Variants in DBH observed in about 807,000 individuals in gnomAD.
DBH encodes the protein dopamine beta-hydroxylase.
In DBH, 49 loss-of-function variants were observed where a neutral mutation model predicts 64.0. The ratio of observed to expected loss-of-function variants is 0.77; its 90% CI spans 0.61 to 0.97. The LOEUF is 0.97. DBH is among the 50% of genes least tolerant of loss of function. DBH has a pLI of 0.00. For missense variants in DBH, 828 were observed against 826.6 expected (o/e 1.00, Z -0.02); for synonymous variants, 343 against 347.1 (o/e 0.99, Z 0.13).
Position 133,639,991 on chromosome 9 carries a change from A to G in DBH, c.485A>G (p.Glu162Gly). The change falls in exon 2 of 12, where the codon GAA becomes GGA. Residue 162 changes from glutamate to glycine, a missense_variant and splice_region_variant. Glu to Gly is a moderately conservative substitution (Grantham distance 98, BLOSUM62 -2). Transcript: ENST00000393056. Reference sequence around the variant, plus strand: ...TGCGACCCCAAGGATTACCTCATTGAAGTAAGGGGTGGCCGCGAGTACCCA... The same window carrying G: ...TGCGACCCCAAGGATTACCTCATTGGAGTAAGGGGTGGCCGCGAGTACCCA... ...GTCDPKDYLI[E>G]DGTVHLVYGI... 6.2e-7 allele frequency: 1 copy of G among 1,613,904 alleles called. No homozygotes were observed. Among genetic ancestry groups the G allele is most frequent in the Non-Finnish European group, 8.5e-7 (1 of 1,179,980 alleles).
chr9:133,652,808 G>A (rs906072771), intron 8 of DBH, 132 bp from the exon 9 acceptor site: 2 of 719,226 alleles, frequency 2.8e-6, no homozygotes, highest in Non-Finnish European at 5.1e-6. Flanking sequence ...TGGGCTCCTT[G>A]TAGTGGACGA....
intron 5 of DBH, among the ~76,000 whole-genome samples, chr9:133,646,091 G>A (rs2131287541): frequency 6.6e-6 from 1 of 152,272 alleles, no homozygotes; most frequent in African/African-American, 2.4e-5. Flanking sequence ...TGGTCACCCA[G>A]CTATGTGTCT....
Position 133,657,232 on chromosome 9 carries a change from G to A in DBH, c.1722+3G>A, listed in dbSNP as rs746894074. On this transcript the variant is annotated splice_donor_region_variant and intron_variant, in intron 11 of 11. Transcript: ENST00000393056. Reference sequence around the variant, plus strand: ...AGTCCTCAGCCGTCCGCTTCCAGGTGCGCTGCCATGGGCCCGGGTGGGGCA... The same window carrying A: ...AGTCCTCAGCCGTCCGCTTCCAGGTACGCTGCCATGGGCCCGGGTGGGGCA... The A allele has an allele frequency of 1.2e-6, 2 of 1,613,758 alleles. No individual in the cohort carries two copies. Among genetic ancestry groups the A allele is most frequent in the South Asian group, 2.2e-5 (2 of 91,084 alleles).
chr9:133,651,533 G>A, intron 6 of DBH, 101 bp from the exon 7 acceptor site: 1 of 1,484,838 alleles, frequency 6.7e-7, no homozygotes. Flanking sequence ...TTCCAGGGAA[G>A]CAAACTGCCC....
chr9:133,645,124 G>A (rs1832167764), intron 5 of DBH, among the ~76,000 whole-genome samples: 1 of 152,140 alleles, frequency 6.6e-6, no homozygotes, highest in Admixed American at 6.5e-5. Flanking sequence ...ACGCTGGGTG[G>A]ATGACCTCAC....
Position 133,647,920 on chromosome 9 carries a change from C to T in DBH, c.1099C>T (p.Leu367=), listed in dbSNP as rs868501161. The T allele has an allele frequency of 1.2e-6, 2 of 1,614,188 alleles. No homozygotes were observed. Among genetic ancestry groups the T allele is most frequent in the Middle Eastern group, 1.6e-4 (1 of 6,062 alleles). ...LRRFNAGIME[L]GLVYTPVMAI... is the part of the protein sequence containing the mutation. ...GCGCTTCAACGCGGGGATCATGGAG[C>T]TGGGACTGGTGTACACGCCAGTGAT... Residue 367 remains leucine, a synonymous_variant, in exon 6 of 12, where the codon CTG becomes TTG. Transcript: ENST00000393056.
chr9:133,643,261 C>A lies in DBH; in HGVS notation c.745-152C>A. 2.5e-6 allele frequency: 2 copies of A among 804,158 alleles called. No individual in the cohort carries two copies. Among genetic ancestry groups the A allele is most frequent in the East Asian group, 2.7e-5 (1 of 37,474 alleles). The allele number at this position is 804,158 out of a possible 1,614,324, so 49.8% of individuals were successfully genotyped here. The stretch of plus-strand genomic sequence containing the variant: ...TTCTTTCTGGGCTGATGGCTCCACC[C>A]TCAAGGCTGTGAACCCCAGAAGTGC... On this transcript the variant is annotated intron_variant, in intron 3 of 11. Transcript: ENST00000393056. The surrounding 1 kb of genome is among the most constrained non-coding windows in gnomAD (Gnocchi z 5.3).
chr9:133,640,119 A>G lies in DBH; in HGVS notation c.486+127A>G, dbSNP rs1108581. Reference sequence around the variant, plus strand: ...GGGCCTGGGCCTGGCCAGCTATGACAGAGAGAAAGCCAAGGAGGATGGCCA... The same window carrying G: ...GGGCCTGGGCCTGGCCAGCTATGACGGAGAGAAAGCCAAGGAGGATGGCCA... On this transcript the variant is annotated intron_variant, in intron 2 of 11. Coordinates refer to ENST00000393056, the MANE Select transcript of DBH (RefSeq NM_000787.4). 265,725 of 1,295,830 alleles carry G rather than the reference A, an allele frequency of 0.21. 30,119 individuals carry two copies. The highest frequency in any genetic ancestry group is 0.44 in the African/African-American group (30,386 of 68,362). The allele number at this position is 1,295,830 out of a possible 1,614,324, so 80.3% of individuals were successfully genotyped here.
At position 133,644,190 on chromosome 9, in the gene DBH, C is replaced by T. The variant is rs1611125; in HGVS notation, c.922-28C>T. 0.5 allele frequency: 788,053 copies of T among 1,564,790 alleles called. 206,417 individuals are homozygous for T. The highest frequency in any genetic ancestry group is 0.6 in the African/African-American group (44,199 of 73,792). On this transcript the variant is annotated intron_variant, in intron 4 of 11. Transcript: ENST00000393056. ...ACCTGGGGCCCTCTCAGGACACACC[C>T]GTCTGTCTGACACCTTGCCCCACAC... is the stretch of plus-strand genomic sequence containing the variant.
At chr9:133,653,303 A>C (rs1436634493) in intron 9 of DBH, among the ~76,000 whole-genome samples, 1 of 152,104 alleles carries the variant, frequency 6.6e-6, no homozygotes, top group East Asian at 1.9e-4. Flanking sequence ...AAGCACTCAC[A>C]CCAAGAAGCT....
At chr9:133,648,395 ACTT>A in intron 6 of DBH, among the ~76,000 whole-genome samples, 1 of 152,230 alleles carries the variant, frequency 6.6e-6, no homozygotes, top group Non-Finnish European at 1.5e-5. Context: ...TGAGATAGCC[ACTT>A]CTTGGCTCTT....
At chr9:133,647,536 G>A (rs540496379) in intron 5 of DBH, among the ~76,000 whole-genome samples, 7 of 152,360 alleles carry the variant, frequency 4.6e-5, no homozygotes, top group Admixed American at 1.3e-4. Context: ...ATTCCATGGA[G>A]GCTTTAAGTG....
At chr9:133,657,312 C>A in intron 11 of DBH, 83 bp downstream of exon 11, 1 of 1,552,544 alleles carries the variant, frequency 6.4e-7, no homozygotes, top group Non-Finnish European at 8.8e-7. Context: ...GGTCTGCACT[C>A]CAAACTGCTG....
intron 1 of DBH, among the ~76,000 whole-genome samples, chr9:133,638,380 A>T (rs1195327777): frequency 6.6e-6 from 1 of 152,194 alleles, no homozygotes; most frequent in Non-Finnish European, 1.5e-5. Flanking sequence ...TTTTTTCTCA[A>T]GGAAATGAAG....
intron 1 of DBH, among the ~76,000 whole-genome samples, chr9:133,637,383 G>T (rs565789274): frequency 6.6e-6 from 1 of 152,336 alleles, no homozygotes; most frequent in East Asian, 1.9e-4. Flanking sequence ...GGGACTTTAG[G>T]CCCTTCCACA....
At position 133,657,382 on chromosome 9, in the gene DBH, ACAGC is replaced by A. The variant is rs539930411; in HGVS notation, c.1722+166_1722+169del. On this transcript the variant is annotated intron_variant, in intron 11 of 11. Transcript: ENST00000393056. The stretch of plus-strand genomic sequence containing the variant: ...GCCAGGTGGTGACACATAGGCCTAG[ACAGC>A]CAGCCAGCCAGCAGAGAGAGAGGAG... 4.7e-5 allele frequency: 34 copies of A among 730,856 alleles called. No individual in the cohort carries two copies. The East Asian group carries it at 5.1e-4, about 11-fold the overall frequency. 45.3% of individuals were successfully genotyped at this position (730,856 alleles called of 1,614,324 possible).
chr9:133,656,611 A>G lies in DBH; in HGVS notation c.1523A>G (p.Asp508Gly), dbSNP rs1269623741. 1.2e-6 allele frequency: 2 copies of G among 1,613,420 alleles called. No homozygotes were observed. The highest frequency in any genetic ancestry group is 2.2e-5 in the South Asian group (2 of 91,068). ...TQLELCKSAV[D>G]AGFLQKYFHL... ...CTGGAGCTCTGCAAGAGCGCTGTGG[A>G]CGCCGGCTTCCTGCAGAAGTACTTC... Residue 508 changes from aspartate to glycine, a missense_variant, in exon 10 of 12, where the codon GAC becomes GGC. Physicochemically the swap from Asp to Gly is moderately conservative, Grantham distance 94. Transcript: ENST00000393056.
intron 11 of DBH, 73 bp downstream of exon 11, chr9:133,657,302 G>T: frequency 6.3e-7 from 1 of 1,578,880 alleles, no homozygotes; most frequent in Non-Finnish European, 8.7e-7. Flanking sequence ...AGGGGTGATG[G>T]GTCTGCACTC....
rs201528570 is a variant in DBH at position 133,657,279 on chromosome 9, G to T, written c.1722+50G>T. 149 of 1,609,396 alleles carry T rather than the reference G, an allele frequency of 9.3e-5. No homozygotes were observed. In the African/African-American group the frequency reaches 1.7e-3, roughly 18 times the overall value. On this transcript the variant is annotated intron_variant, in intron 11 of 11. Transcript: ENST00000393056. Reference sequence around the variant, plus strand: ...GGCATGCAGTCAGGCAGGCCTCATGGGGGGCCCCAGTGAGGGGTGATGGGT... The same window carrying T: ...GGCATGCAGTCAGGCAGGCCTCATGTGGGGCCCCAGTGAGGGGTGATGGGT...
Sources: gnomAD v4.1 joint callset for allele counts (sites outside exome capture counted in the v4.1 genomes callset) on GRCh38, gnomAD v4.1.1 for gene constraint, Gnocchi (gnomAD v3.1) non-coding constraint, MANE v1.5 for transcripts, NCBI Gene and HGNC (gene_info 2026-07-23, HGNC 2026-07-21) for gene names.